Variants in PTPRN2 observed in about 807,000 individuals in gnomAD.
The protein encoded by PTPRN2 is receptor-type tyrosine-protein phosphatase N2.
A neutral mutation model predicts 118.8 loss-of-function variants in PTPRN2; 74 were observed. The observed-to-expected ratio is 0.62, with a 90% CI of 0.52 to 0.76. PTPRN2 has a LOEUF of 0.76. Among genes scored for constraint, PTPRN2 ranks in the 30% least tolerant of loss-of-function variants. PTPRN2 has a pLI of 0.00. For synonymous variants in PTPRN2, 641 were observed against 608.0 expected (o/e 1.05, Z -0.80); for missense variants, 1,481 against 1,394.4 (o/e 1.06, Z -0.99).
intron 11 of PTPRN2, among the ~76,000 whole-genome samples, chr7:158,070,591 G>GCT (rs769962752): frequency 0.041 from 3,341 of 82,002 alleles, 843 homozygotes; most frequent in South Asian, 0.055. Context: ...TGGTGGAGGT[G>GCT]CCTGTGGTGG....
At chr7:157,826,227 G>A (rs1260110126) in intron 12 of PTPRN2, among the ~76,000 whole-genome samples, 3 of 142,286 alleles carry the variant, frequency 2.1e-5, no homozygotes, top group Admixed American at 7.1e-5. Flanking sequence ...TCACAATCGC[G>A]AGCGCCATTT....
intron 12 of PTPRN2, among the ~76,000 whole-genome samples, chr7:157,889,779 G>A (rs755373060): frequency 1.3e-5 from 2 of 152,196 alleles, no homozygotes; most frequent in African/African-American, 2.4e-5. Context: ...CGGAGGCTAC[G>A]CTTCCCAGCT....
At chr7:158,282,010 C>CT (rs986308976) in intron 3 of PTPRN2, among the ~76,000 whole-genome samples, 32 of 152,258 alleles carry the variant, frequency 2.1e-4, no homozygotes, top group African/African-American at 6.7e-4. Context: ...AAATCTGCCT[C>CT]TTAAGAGACC....
intron 3 of PTPRN2, among the ~76,000 whole-genome samples, chr7:158,272,654 C>T (rs1178007442): frequency 1.3e-5 from 2 of 152,154 alleles, no homozygotes; most frequent in Non-Finnish European, 2.9e-5. Flanking sequence ...CTCACAGAGT[C>T]AAATCTCGGA....
chr7:158,306,171 A>G (rs115929077), intron 3 of PTPRN2, among the ~76,000 whole-genome samples: 2,983 of 152,314 alleles, frequency 0.02, 103 homozygotes, highest in African/African-American at 0.067. Flanking sequence ...CTTACCAGCC[A>G]CCTGAGGTAG....
At chr7:158,356,078 G>A (rs1368726902) in intron 2 of PTPRN2, among the ~76,000 whole-genome samples, 1 of 152,124 alleles carries the variant, frequency 6.6e-6, no homozygotes, top group Non-Finnish European at 1.5e-5. Flanking sequence ...ATAAATCAAT[G>A]GAAAATGTCT....
intron 3 of PTPRN2, among the ~76,000 whole-genome samples, chr7:158,294,089 C>T (rs1800302068): frequency 6.6e-6 from 1 of 152,230 alleles, no homozygotes; most frequent in African/African-American, 2.4e-5. Flanking sequence ...GTTGGCTCGT[C>T]TACACCAGCA....
At chr7:157,983,710 G>A (rs1803494842) in intron 11 of PTPRN2, among the ~76,000 whole-genome samples, 1 of 152,234 alleles carries the variant, frequency 6.6e-6, no homozygotes, top group Non-Finnish European at 1.5e-5. Context: ...GCTTGAGACC[G>A]TGCTGCCGAC....
Position 157,964,807 on chromosome 7 carries a change from C to A in PTPRN2, c.1724-66070G>T, listed in dbSNP as rs1192928623. Reference sequence around the variant, plus strand: ...CCCACCCCACTCAACCCTGGCTGATCCCCATGGCCTGTTCTTTCGACGATC... The same window carrying A: ...CCCACCCCACTCAACCCTGGCTGATACCCATGGCCTGTTCTTTCGACGATC... On this transcript the variant is annotated intron_variant, in intron 11 of 22. Transcript: ENST00000389418. This position sits in a 1 kb window ranked among gnomAD's most constrained non-coding sequence, Gnocchi z 9.0. Among the ~76,000 whole-genome samples the A allele has an allele frequency of 6.6e-6, 1 of 152,216 alleles. No individual in the cohort carries two copies. The highest frequency in any genetic ancestry group is 1.5e-5 in the Non-Finnish European group (1 of 68,050).
intron 1 of PTPRN2, among the ~76,000 whole-genome samples, chr7:158,491,880 G>A (rs1821476190): frequency 6.6e-6 from 1 of 152,226 alleles, no homozygotes; most frequent in Admixed American, 6.5e-5. Flanking sequence ...ACAAGTGTCT[G>A]AGCCAGGCAG....
intron 21 of PTPRN2, among the ~76,000 whole-genome samples, chr7:157,553,331 C>CGGAA (rs1193500018): frequency 6.6e-6 from 1 of 152,202 alleles, no homozygotes; most frequent in East Asian, 1.9e-4. Flanking sequence ...GAGACTGTCC[C>CGGAA]TCACTGGCAA....
intron 12 of PTPRN2, among the ~76,000 whole-genome samples, chr7:157,878,436 T>TA (rs1795916822): frequency 6.9e-6 from 1 of 145,654 alleles, no homozygotes; most frequent in Non-Finnish European, 1.5e-5. Context: ...CACCCACGCT[T>TA]ACTCACCGAG....
At chr7:158,284,344 C>G (rs2151007002) in intron 3 of PTPRN2, among the ~76,000 whole-genome samples, 1 of 152,094 alleles carries the variant, frequency 6.6e-6, no homozygotes, top group African/African-American at 2.4e-5. Flanking sequence ...CAGCCGGGCA[C>G]TGGGCACTGT....
At chr7:158,385,170 T>C (rs1190921808) in intron 2 of PTPRN2, among the ~76,000 whole-genome samples, 1 of 152,220 alleles carries the variant, frequency 6.6e-6, no homozygotes, top group African/African-American at 2.4e-5. Context: ...GACAAGAACC[T>C]AAATGTCTTC....
At chr7:157,582,148 G>A (rs575008958) in intron 17 of PTPRN2, among the ~76,000 whole-genome samples, 26 of 152,184 alleles carry the variant, frequency 1.7e-4, no homozygotes, top group Non-Finnish European at 2.9e-4. Context: ...AGATGCATCC[G>A]CTGCAACCTC....
intron 11 of PTPRN2, among the ~76,000 whole-genome samples, chr7:157,978,850 C>T (rs1802932468): frequency 2.0e-5 from 3 of 152,050 alleles, no homozygotes; most frequent in Admixed American, 6.5e-5. Flanking sequence ...GTGGGGCTGA[C>T]AGACGAGACC....
intron 3 of PTPRN2, among the ~76,000 whole-genome samples, chr7:158,268,691 G>A (rs1467592997): frequency 6.8e-6 from 1 of 146,984 alleles, no homozygotes; most frequent in Admixed American, 6.7e-5. Context: ...CACAGAGAGG[G>A]TGTGAAATAT....
rs530515886 is a variant in PTPRN2, at chr7:157,790,287, T to C, written c.1789-107350A>G. 4.3e-3 allele frequency among the ~76,000 whole-genome samples: 643 copies of C among 149,124 alleles called. 3 individuals are homozygous for C. The highest frequency in any genetic ancestry group is 7.3e-3 in the Non-Finnish European group (490 of 67,152). On this transcript the variant is annotated intron_variant, in intron 12 of 22. Coordinates refer to ENST00000389418, the MANE Select transcript of PTPRN2 (RefSeq NM_002847.5). ...GTGGTGTTTGTGTGGTGTGAATGTG[T>C]GTGGTGTGTGTATGGTGGTGTGTGT...
chr7:157,902,417 CGCG>C, intron 11 of PTPRN2, among the ~76,000 whole-genome samples: 1 of 123,824 alleles, frequency 8.1e-6, no homozygotes, highest in African/African-American at 2.9e-5. Flanking sequence ...GGACCAGCCC[CGCG>C]GTGGCCTGGA....
Sources: allele counts gnomAD v4.1 joint callset (sites outside exome capture counted in the v4.1 genomes callset), GRCh38; gene constraint gnomAD v4.1.1; non-coding constraint Gnocchi (gnomAD v3.1); transcripts MANE v1.5; gene names NCBI Gene and HGNC (gene_info 2026-07-23, HGNC 2026-07-21).